RUNX2: variants seen among roughly 807,000 people sequenced by gnomAD.
RUNX2 encodes RUNX family transcription factor 2, also known as runt-related transcription factor 2.
In RUNX2, 10 loss-of-function variants were observed where a neutral mutation model predicts 51.7. That is an observed-to-expected ratio of 0.19 (90% CI 0.12 to 0.33). The LOEUF (loss-of-function observed/expected upper bound fraction) is 0.33. RUNX2 is among the 10% of genes least tolerant of loss of function. RUNX2 has a pLI of 1.00. For missense variants in RUNX2, 562 were observed against 691.3 expected (o/e 0.81, Z 2.10); for synonymous variants, 276 against 273.6 (o/e 1.01, Z -0.09).
intron 2 of RUNX2, among the ~76,000 whole-genome samples, chr6:45,352,489 G>A (rs1792275389): frequency 6.6e-6 from 1 of 150,772 alleles, no homozygotes; most frequent in African/African-American, 2.4e-5. Flanking sequence ...TGGTATGACA[G>A]CAACAAAATT....
intron 4 of RUNX2, among the ~76,000 whole-genome samples, chr6:45,432,292 G>A (rs1798563991): frequency 6.6e-6 from 1 of 152,168 alleles, no homozygotes; most frequent in Non-Finnish European, 1.5e-5. Context: ...GAAAAGAACA[G>A]TTGGAGGATC....
intron 7 of RUNX2, among the ~76,000 whole-genome samples, chr6:45,535,525 A>C (rs994299337): frequency 2.0e-5 from 3 of 151,714 alleles, no homozygotes; most frequent in Non-Finnish European, 4.4e-5. Flanking sequence ...AATGGCGTGA[A>C]CCCGGGAGGC....
chr6:45,360,094 A>C (rs1427111679), intron 2 of RUNX2, among the ~76,000 whole-genome samples: 1 of 152,248 alleles, frequency 6.6e-6, no homozygotes, highest in Non-Finnish European at 1.5e-5. Context: ...CAAAATAAAA[A>C]GTTTATTAAC....
chr6:45,526,916 G>A (rs1301416751), intron 7 of RUNX2, among the ~76,000 whole-genome samples: 1 of 152,166 alleles, frequency 6.6e-6, no homozygotes, highest in Non-Finnish European at 1.5e-5. Context: ...GTTAATATAT[G>A]TAAAGCCCTT....
chr6:45,509,265 C>T (rs1004640366), intron 6 of RUNX2, among the ~76,000 whole-genome samples: 1 of 152,130 alleles, frequency 6.6e-6, no homozygotes, highest in East Asian at 1.9e-4. Flanking sequence ...TATCAAAATG[C>T]TTTTACTTGC....
chr6:45,394,995 T>C lies in RUNX2; in HGVS notation c.59-27598T>C, dbSNP rs557843575. On this transcript the variant is annotated intron_variant, in intron 2 of 8. Coordinates refer to ENST00000647337, the MANE Select transcript of RUNX2 (RefSeq NM_001024630.4). ...CAAGACTAGGGCCCCAGGAATTTTA[T>C]TGTTGCTCTTTTTAATATCTCAAGC... 1.0e-3 allele frequency among the ~76,000 whole-genome samples: 155 copies of C among 152,222 alleles called. 1 individual carries two copies. The highest frequency in any genetic ancestry group is 5.0e-3 in the South Asian group (24 of 4,818).
chr6:45,338,023 A>C (rs1024621014), intron 2 of RUNX2, among the ~76,000 whole-genome samples: 18 of 152,002 alleles, frequency 1.2e-4, no homozygotes, highest in African/African-American at 3.9e-4. Flanking sequence ...ACCTATAAAC[A>C]AATCAAACTT....
At chr6:45,504,202 G>A (rs1563114773) in intron 6 of RUNX2, among the ~76,000 whole-genome samples, 1 of 152,156 alleles carries the variant, frequency 6.6e-6, no homozygotes, top group East Asian at 1.9e-4. Context: ...GTGATGGGAG[G>A]CGCTGCATTG....
At chr6:45,519,796 G>GTGTT (rs1254158883) in intron 7 of RUNX2, among the ~76,000 whole-genome samples, 3 of 100,248 alleles carry the variant, frequency 3.0e-5, no homozygotes, top group African/African-American at 6.7e-5. Flanking sequence ...ATATATGTGT[G>GTGTT]TGTGTGTGTG....
chr6:45,409,139 T>C (rs1405700111), intron 2 of RUNX2, among the ~76,000 whole-genome samples: 3 of 152,172 alleles, frequency 2.0e-5, no homozygotes, highest in East Asian at 3.9e-4. Flanking sequence ...TATTCTTAAA[T>C]AAAACAGCAA....
chr6:45,523,643 A>G (rs1178376041), intron 7 of RUNX2, among the ~76,000 whole-genome samples: 1 of 151,866 alleles, frequency 6.6e-6, no homozygotes, highest in African/African-American at 2.4e-5. Flanking sequence ...ATCTTAGAAA[A>G]TAGATAACTA....
chr6:45,479,380 C>T (rs887494414), intron 5 of RUNX2, among the ~76,000 whole-genome samples: 6 of 152,056 alleles, frequency 3.9e-5, no homozygotes, highest in African/African-American at 1.2e-4. Context: ...GTTTCTATTG[C>T]AAAGAAAGGT....
At chr6:45,384,010 T>G (rs2150343693) in intron 2 of RUNX2, among the ~76,000 whole-genome samples, 1 of 152,372 alleles carries the variant, frequency 6.6e-6, no homozygotes, top group East Asian at 1.9e-4. Flanking sequence ...TGTATTTTCC[T>G]CTTTCCAGAA....
At chr6:45,354,082 T>C (rs1213464189) in intron 2 of RUNX2, among the ~76,000 whole-genome samples, 1 of 152,154 alleles carries the variant, frequency 6.6e-6, no homozygotes, top group African/African-American at 2.4e-5. Flanking sequence ...CATAACTTGA[T>C]AGAAATACAT....
At chr6:45,360,307 G>C (rs1277441832) in intron 2 of RUNX2, among the ~76,000 whole-genome samples, 1 of 152,140 alleles carries the variant, frequency 6.6e-6, no homozygotes, top group African/African-American at 2.4e-5. Context: ...GCATATGGAA[G>C]TACTCAAGAG....
intron 2 of RUNX2, among the ~76,000 whole-genome samples, chr6:45,369,011 T>C (rs921575535): frequency 6.6e-6 from 1 of 152,050 alleles, no homozygotes; most frequent in African/African-American, 2.4e-5. Flanking sequence ...TGAAAAAAAT[T>C]AAAAATTAAA....
chr6:45,543,353 T>C (rs1009618663), intron 7 of RUNX2, among the ~76,000 whole-genome samples: 7 of 152,174 alleles, frequency 4.6e-5, no homozygotes, highest in Admixed American at 4.6e-4. Flanking sequence ...ACTTTGTATA[T>C]GGAGGAGATA....
chr6:45,386,170 C>G (rs778679720), intron 2 of RUNX2, among the ~76,000 whole-genome samples: 1 of 151,254 alleles, frequency 6.6e-6, no homozygotes, highest in East Asian at 1.9e-4. Flanking sequence ...CAGGTTCAAG[C>G]GATTCTCTTG....
At chr6:45,342,641 A>G (rs1463633760) in intron 2 of RUNX2, among the ~76,000 whole-genome samples, 1 of 152,216 alleles carries the variant, frequency 6.6e-6, no homozygotes, top group Admixed American at 6.5e-5. Flanking sequence ...AGGTTTACAC[A>G]GTAGCAGGAT....
Sources: allele counts gnomAD v4.1 joint callset (sites outside exome capture counted in the v4.1 genomes callset), GRCh38; gene constraint gnomAD v4.1.1; transcripts MANE v1.5; gene names NCBI Gene and HGNC (gene_info 2026-07-23, HGNC 2026-07-21).